The following XKR4 variants were observed in gnomAD, a reference collection of about 807,000 sequenced individuals.
XKR4 encodes the protein XK-related protein 4.
Under a neutral mutation model 53.9 loss-of-function variants are expected in XKR4, and 12 were observed. The ratio of observed to expected loss-of-function variants is 0.22; its 90% CI spans 0.14 to 0.36. The LOEUF (loss-of-function observed/expected upper bound fraction) is 0.36. XKR4 is among the 10% of genes least tolerant of loss of function. XKR4 has a pLI of 1.00. For synonymous variants in XKR4, 354 were observed against 362.4 expected (o/e 0.98, Z 0.26); for missense variants, 799 against 859.5 (o/e 0.93, Z 0.88).
At chr8:55,171,430 G>A (rs981902782) in intron 1 of XKR4, among the ~76,000 whole-genome samples, 4 of 152,032 alleles carry the variant, frequency 2.6e-5, no homozygotes, top group African/African-American at 9.7e-5. Flanking sequence ...ACCAGCTCAG[G>A]GCCTCTGTGG....
intron 1 of XKR4, among the ~76,000 whole-genome samples, chr8:55,252,754 GA>G (rs1406327998): frequency 6.6e-6 from 1 of 152,162 alleles, no homozygotes; most frequent in Non-Finnish European, 1.5e-5. Flanking sequence ...CAGTCCATGG[GA>G]AAGCCTCAAA....
At chr8:55,125,907 C>G (rs1229253839) in intron 1 of XKR4, among the ~76,000 whole-genome samples, 1 of 152,184 alleles carries the variant, frequency 6.6e-6, no homozygotes, top group East Asian at 1.9e-4. Flanking sequence ...CAAGGCCCTT[C>G]TAAGTGTGAG....
Position 55,102,750 on chromosome 8 carries a change from G to T in XKR4, c.262G>T (p.Gly88Cys), listed in dbSNP as rs770716198. The T allele has an allele frequency of 5.6e-6, 7 of 1,249,370 alleles. No homozygotes were observed. The East Asian group carries it at 1.9e-4, about 33-fold the overall frequency. 77.4% of individuals were successfully genotyped at this position (1,249,370 alleles called of 1,614,324 possible). Residue 88 changes from glycine to cysteine, a missense_variant, in exon 1 of 3, where the codon GGC becomes TGC. Around this residue, in one of 3 missense-constraint regions of XKR4, gnomAD observed 476 missense variants for 505.4 expected, o/e 0.94. Coordinates refer to ENST00000327381, the MANE Select transcript of XKR4 (RefSeq NM_052898.2). The surrounding 1 kb of genome is among the most constrained non-coding windows in gnomAD (Gnocchi z 5.1). ...GGSGGVAGPGGGGAGSAALCL... is the reference protein window; with the variant it reads ...GGSGGVAGPGCGGAGSAALCL... ...CTCCGGCGGCGTCGCCGGCCCGGGC[G>T]GCGGCGGGGCGGGCTCGGCTGCGCT...
chr8:55,421,773 T>C (rs186192443), intron 2 of XKR4, among the ~76,000 whole-genome samples: 1 of 152,336 alleles, frequency 6.6e-6, no homozygotes, highest in Admixed American at 6.5e-5. Flanking sequence ...TCTGTGTGTA[T>C]AGTGAGTAAA....
intron 1 of XKR4, among the ~76,000 whole-genome samples, chr8:55,158,714 T>C (rs1816941629): frequency 6.6e-6 from 1 of 152,222 alleles, no homozygotes; most frequent in South Asian, 2.1e-4. Context: ...ATCTTCGGCA[T>C]ATGGCTAGCC....
chr8:55,237,283 G>C (rs1450252670), intron 1 of XKR4, among the ~76,000 whole-genome samples: 2 of 152,158 alleles, frequency 1.3e-5, no homozygotes, highest in Non-Finnish European at 2.9e-5. Flanking sequence ...TGTATCATTT[G>C]CCTCCCCAAA....
intron 1 of XKR4, among the ~76,000 whole-genome samples, chr8:55,258,371 C>T (rs1818470349): frequency 1.3e-5 from 2 of 152,186 alleles, no homozygotes; most frequent in Admixed American, 6.5e-5. Flanking sequence ...TAAAGAGGAA[C>T]GTTCACTTGG....
intron 1 of XKR4, among the ~76,000 whole-genome samples, chr8:55,262,857 G>A (rs4607582): frequency 0.89 from 135,561 of 152,236 alleles, 60,804 homozygotes; most frequent in Non-Finnish European, 0.95. Flanking sequence ...GAGGCGTCCC[G>A]TAGGCTAGAT....
At chr8:55,196,953 C>T (rs185101889) in intron 1 of XKR4, among the ~76,000 whole-genome samples, 47 of 152,262 alleles carry the variant, frequency 3.1e-4, no homozygotes, top group Admixed American at 1.8e-3. Context: ...CTTCCGGCTC[C>T]TTCACCTATA....
chr8:55,410,152 C>T (rs1428829866), intron 2 of XKR4, among the ~76,000 whole-genome samples: 2 of 152,056 alleles, frequency 1.3e-5, no homozygotes, highest in Non-Finnish European at 2.9e-5. Context: ...CTGAAGCCCT[C>T]TCCTCCCATT....
chr8:55,307,475 G>A (rs923230995), intron 1 of XKR4, among the ~76,000 whole-genome samples: 3 of 152,082 alleles, frequency 2.0e-5, no homozygotes, highest in African/African-American at 7.2e-5. Context: ...AATATAGGGA[G>A]ACACTATCTT....
chr8:55,314,818 G>A lies in XKR4; in HGVS notation c.807-42860G>A, dbSNP rs536119267. 9.7e-4 allele frequency among the ~76,000 whole-genome samples: 148 copies of A among 152,212 alleles called. 1 individual carries two copies. Among genetic ancestry groups the A allele is most frequent in the African/African-American group, 3.4e-3 (143 of 41,540 alleles). On this transcript the variant is annotated intron_variant, in intron 1 of 2. Transcript: ENST00000327381. ...ACCTCAATTTTCCCATCCGCAAAAT[G>A]GTGAGGATAAACTACATTCAAGAAG... is the stretch of plus-strand genomic sequence containing the variant.
Position 55,532,170 on chromosome 8 carries a change from G to A in XKR4, c.*7943G>A, listed in dbSNP as rs560622011. On this transcript the variant is annotated 3_prime_UTR_variant, in exon 3 of 3. Transcript: ENST00000327381. ...GAAGAAAGTATATTAACTTTTATGA[G>A]TACAGAATAATTCAAGTTCCTTAGC... 35 of 152,280 alleles carry A rather than the reference G, an allele frequency of 2.3e-4. No homozygotes were observed. Among genetic ancestry groups the A allele is most frequent in the African/African-American group, 7.9e-4 (33 of 41,562 alleles). The allele number at this position is 152,280 out of a possible 1,614,324, so 9.4% of individuals were successfully genotyped here.
At chr8:55,482,967 C>A (rs1445958496) in intron 2 of XKR4, among the ~76,000 whole-genome samples, 5 of 152,158 alleles carry the variant, frequency 3.3e-5, no homozygotes, top group Admixed American at 2.6e-4. Flanking sequence ...AGGCACTTTG[C>A]AAATGAATCA....
intron 1 of XKR4, among the ~76,000 whole-genome samples, chr8:55,232,019 A>G (rs1818049064): frequency 1.3e-5 from 2 of 152,344 alleles, no homozygotes; most frequent in African/African-American, 4.8e-5. Context: ...TTGACATCAT[A>G]TGAAACTGAT....
At position 55,388,778 on chromosome 8, in the gene XKR4, A is replaced by G. The variant is rs117714080; in HGVS notation, c.1006+30901A>G. 6.1e-3 allele frequency among the ~76,000 whole-genome samples: 934 copies of G among 152,332 alleles called. 5 individuals are homozygous for G. The highest frequency in any genetic ancestry group is 0.011 in the Non-Finnish European group (723 of 68,032). Reference sequence around the variant, plus strand: ...GCTACATCCAACTCATAGGACAATTAAAGGATAGTGAGCTCTACTAATTCC... The same window carrying G: ...GCTACATCCAACTCATAGGACAATTGAAGGATAGTGAGCTCTACTAATTCC... On this transcript the variant is annotated intron_variant, in intron 2 of 2. Transcript: ENST00000327381.
At chr8:55,162,586 ATATTATTGT>A (rs1817000334) in intron 1 of XKR4, among the ~76,000 whole-genome samples, 1 of 152,202 alleles carries the variant, frequency 6.6e-6, no homozygotes, top group South Asian at 2.1e-4. Context: ...TGAATAAATG[ATATTATTGT>A]TAATGATTGT....
chr8:55,497,027 G>A lies in XKR4; in HGVS notation c.1007-26254G>A, dbSNP rs11985433. Among the ~76,000 whole-genome samples, 245 of 152,236 alleles carry A rather than the reference G, an allele frequency of 1.6e-3. 1 individual carries two copies. The highest frequency in any genetic ancestry group is 5.7e-3 in the African/African-American group (237 of 41,548). On this transcript the variant is annotated intron_variant, in intron 2 of 2. Coordinates refer to ENST00000327381, the MANE Select transcript of XKR4 (RefSeq NM_052898.2). ...TCCCTAATCCTACACCTCAATGTCC[G>A]GTAAATACATCCATCCTGTGTGCAT...
intron 2 of XKR4, among the ~76,000 whole-genome samples, chr8:55,477,935 T>G (rs1387820175): frequency 6.6e-6 from 1 of 152,134 alleles, no homozygotes; most frequent in African/African-American, 2.4e-5. Flanking sequence ...CTGACTGGTT[T>G]ACTTGAAAGT....
Sources: gnomAD v4.1 joint callset for allele counts (sites outside exome capture counted in the v4.1 genomes callset) on GRCh38, gnomAD v4.1.1 for gene constraint, gnomAD v4.1.1 regional missense constraint, Gnocchi (gnomAD v3.1) non-coding constraint, MANE v1.5 for transcripts, NCBI Gene and HGNC (gene_info 2026-07-23, HGNC 2026-07-21) for gene names.